ERC2: variants seen among roughly 807,000 people sequenced by gnomAD.
The protein encoded by ERC2 is ERC protein 2.
Under a neutral mutation model 114.8 loss-of-function variants are expected in ERC2, and 42 were observed. That is an observed-to-expected ratio of 0.37 (90% CI 0.29 to 0.47). The LOEUF is 0.47. Among genes scored for constraint, ERC2 ranks in the 20% least tolerant of loss-of-function variants. The probability of loss-of-function intolerance (pLI) is 0.99; values close to 1 mark genes in which losing one functional copy is unlikely to be tolerated. For missense variants in ERC2, 939 were observed against 1,150.7 expected (o/e 0.82, Z 2.66); for synonymous variants, 454 against 425.5 (o/e 1.07, Z -0.82).
At chr3:56,354,860 A>G (rs1474802876) in intron 2 of ERC2, among the ~76,000 whole-genome samples, 2 of 152,232 alleles carry the variant, frequency 1.3e-5, no homozygotes, top group Non-Finnish European at 2.9e-5. Flanking sequence ...ACTGAAGGCT[A>G]ATTTACTTCT....
intron 14 of ERC2, among the ~76,000 whole-genome samples, chr3:55,768,078 A>T (rs2067941701): frequency 6.6e-6 from 1 of 152,142 alleles, no homozygotes; most frequent in African/African-American, 2.4e-5. Flanking sequence ...GCCATGTAAG[A>T]TGTGCCTACT....
intron 15 of ERC2, among the ~76,000 whole-genome samples, chr3:55,714,434 G>T (rs986659744): frequency 6.6e-6 from 1 of 151,872 alleles, no homozygotes; most frequent in Non-Finnish European, 1.5e-5. Context: ...TTAGGCTTTG[G>T]TTTATCAAAT....
At chr3:55,806,202 G>T (rs2059481050) in intron 14 of ERC2, among the ~76,000 whole-genome samples, 1 of 151,930 alleles carries the variant, frequency 6.6e-6, no homozygotes, top group Admixed American at 6.6e-5. Flanking sequence ...GGGCATGGTG[G>T]CATGTGCCTG....
Position 55,772,332 on chromosome 3 carries a change from TG to T in ERC2, c.2565-37415del, listed in dbSNP as rs1457018368. 2.6e-5 allele frequency among the ~76,000 whole-genome samples: 4 copies of T among 151,542 alleles called. No individual in the cohort carries two copies. The South Asian group carries it at 6.2e-4, about 24-fold the overall frequency. ...TACTTTTTGTATTCTTTTTTTTTTTTGAGACGGAGTCTCGCTCTGTAGCCCA... is the reference window on the plus strand; with the variant it reads ...TACTTTTTGTATTCTTTTTTTTTTTTAGACGGAGTCTCGCTCTGTAGCCCA... On this transcript the variant is annotated intron_variant, in intron 14 of 17. Coordinates refer to ENST00000288221, the MANE Select transcript of ERC2 (RefSeq NM_015576.3).
At chr3:56,405,593 T>C (rs1248179540) in intron 2 of ERC2, among the ~76,000 whole-genome samples, 2 of 152,104 alleles carry the variant, frequency 1.3e-5, no homozygotes, top group African/African-American at 2.4e-5. Flanking sequence ...GACACATAGA[T>C]ACATAGCATA....
intron 6 of ERC2, among the ~76,000 whole-genome samples, chr3:56,103,505 T>C (rs1007127520): frequency 6.6e-6 from 1 of 152,122 alleles, no homozygotes; most frequent in African/African-American, 2.4e-5. Context: ...CTTTGTTGTG[T>C]AAGACCCAAA....
chr3:55,591,063 G>A (rs942278577), intron 17 of ERC2, among the ~76,000 whole-genome samples: 3 of 152,058 alleles, frequency 2.0e-5, no homozygotes, highest in South Asian at 2.1e-4. Flanking sequence ...TCCTGACCTC[G>A]TGGTCCACCC....
At chr3:55,641,376 C>T (rs1185281144) in intron 17 of ERC2, among the ~76,000 whole-genome samples, 1 of 151,850 alleles carries the variant, frequency 6.6e-6, no homozygotes, top group African/African-American at 2.4e-5. Context: ...GTGGCAAAAC[C>T]TCATCTCTAC....
chr3:55,955,129 A>G (rs370624257), intron 12 of ERC2: 7 of 515,584 alleles, frequency 1.4e-5, no homozygotes, highest in Non-Finnish European at 2.3e-5. Flanking sequence ...ACACACATGC[A>G]TATGAACGGA....
intron 3 of ERC2, among the ~76,000 whole-genome samples, chr3:56,242,842 AC>A (rs1259773489): frequency 7.9e-5 from 12 of 152,310 alleles, no homozygotes; most frequent in African/African-American, 2.9e-4. Context: ...AGCACCTGGC[AC>A]CAAGTAAAAA....
At chr3:55,923,657 C>G (rs963306733) in intron 13 of ERC2, among the ~76,000 whole-genome samples, 11 of 152,218 alleles carry the variant, frequency 7.2e-5, no homozygotes, top group African/African-American at 2.6e-4. Flanking sequence ...TAAAGGGATT[C>G]TGGGTTGTAG....
At chr3:56,424,020 A>C (rs2061479164) in intron 2 of ERC2, among the ~76,000 whole-genome samples, 1 of 152,238 alleles carries the variant, frequency 6.6e-6, no homozygotes, top group African/African-American at 2.4e-5. Context: ...TGTTCTGGCC[A>C]GAATAGGCCA....
At chr3:55,574,286 G>A (rs1025839637) in intron 17 of ERC2, among the ~76,000 whole-genome samples, 9 of 152,110 alleles carry the variant, frequency 5.9e-5, no homozygotes, top group East Asian at 1.9e-4. Context: ...CATACCATTC[G>A]GTGGTTGCTA....
At chr3:56,038,981 T>C (rs1290892562) in intron 7 of ERC2, among the ~76,000 whole-genome samples, 2 of 152,176 alleles carry the variant, frequency 1.3e-5, no homozygotes, top group Non-Finnish European at 2.9e-5. Flanking sequence ...TAATGTGTGC[T>C]GGGCTTTAAT....
chr3:56,319,891 C>A (rs2057047510), intron 2 of ERC2, among the ~76,000 whole-genome samples: 1 of 152,130 alleles, frequency 6.6e-6, no homozygotes, highest in Non-Finnish European at 1.5e-5. Context: ...AGAGATCAAA[C>A]AATATTTGAA....
intron 14 of ERC2, among the ~76,000 whole-genome samples, chr3:55,871,876 G>A (rs773277697): frequency 2.0e-5 from 3 of 152,066 alleles, no homozygotes; most frequent in Non-Finnish European, 4.4e-5. Flanking sequence ...CAACTCTAGG[G>A]GGAAAGGTCT....
chr3:55,799,459 A>ATGCCT (rs1340449727), intron 14 of ERC2, among the ~76,000 whole-genome samples: 14 of 139,690 alleles, frequency 1.0e-4, no homozygotes, highest in Non-Finnish European at 1.5e-4. Context: ...GCATATATAT[A>ATGCCT]TATATATATA....
At chr3:55,750,120 A>G (rs1003155259) in intron 14 of ERC2, among the ~76,000 whole-genome samples, 4 of 152,070 alleles carry the variant, frequency 2.6e-5, no homozygotes, top group African/African-American at 9.7e-5. Flanking sequence ...ATGAAGGATC[A>G]GCAATGGGTA....
intron 13 of ERC2, among the ~76,000 whole-genome samples, chr3:55,889,560 C>T (rs1193044951): frequency 6.6e-6 from 1 of 152,134 alleles, no homozygotes; most frequent in Middle Eastern, 3.2e-3. Flanking sequence ...GCTTTGGGGA[C>T]TCTTAAAAGC....
Sources: allele counts gnomAD v4.1 joint callset (sites outside exome capture counted in the v4.1 genomes callset), GRCh38; gene constraint gnomAD v4.1.1; transcripts MANE v1.5; gene names NCBI Gene and HGNC (gene_info 2026-07-23, HGNC 2026-07-21).